Variants in DNAH8 observed in about 807,000 individuals in gnomAD.
The protein encoded by DNAH8 is dynein axonemal heavy chain 8.
A neutral mutation model predicts 562.1 loss-of-function variants in DNAH8; 382 were observed. The observed-to-expected ratio is 0.68, with a 90% CI of 0.63 to 0.74. The LOEUF is 0.74. DNAH8 is among the 30% of genes least tolerant of loss of function. The pLI is 0.00. For synonymous variants in DNAH8, 1,881 were observed against 1,919.4 expected (o/e 0.98, Z 0.52); for missense variants, 5,203 against 5,620.4 (o/e 0.93, Z 2.37).
At chr6:38,992,373 C>G (rs1036831083) in intron 88 of DNAH8, among the ~76,000 whole-genome samples, 1 of 152,200 alleles carries the variant, frequency 6.6e-6, no homozygotes, top group Non-Finnish European at 1.5e-5. Flanking sequence ...ACTGCTGCAT[C>G]CCTTGTGCTA....
intron 62 of DNAH8, among the ~76,000 whole-genome samples, chr6:38,904,595 G>A (rs994940727): frequency 3.8e-4 from 58 of 151,952 alleles, no homozygotes; most frequent in African/African-American, 1.4e-3. Context: ...GTTCGAGACT[G>A]GCTGGCCAAC....
intron 28 of DNAH8, among the ~76,000 whole-genome samples, chr6:38,824,367 G>A (rs76360403): frequency 1.0e-3 from 155 of 152,224 alleles, no homozygotes; most frequent in African/African-American, 3.1e-3. Flanking sequence ...ACTCAGAGGC[G>A]GGTTTATTGG....
intron 28 of DNAH8, among the ~76,000 whole-genome samples, chr6:38,825,108 G>A (rs566674922): frequency 6.6e-6 from 1 of 152,148 alleles, no homozygotes; most frequent in Non-Finnish European, 1.5e-5. Context: ...AAGAGGTGAT[G>A]GTAGTTATAA....
intron 91 of DNAH8, among the ~76,000 whole-genome samples, chr6:39,018,560 C>T (rs1465482658): frequency 2.0e-5 from 3 of 152,214 alleles, no homozygotes; most frequent in African/African-American, 7.2e-5. Context: ...CATGCTCATT[C>T]CTCACTTCCA....
Position 38,908,069 on chromosome 6 carries a change from C to A in DNAH8, c.9462C>A (p.Tyr3154Ter). The A allele has an allele frequency of 1.2e-6, 2 of 1,607,260 alleles. No homozygotes were observed. The highest frequency in any genetic ancestry group is 1.7e-6 in the Non-Finnish European group (2 of 1,177,114). The change falls in exon 64 of 93, where the codon TAC becomes TAA. Residue 3154 changes from tyrosine to a stop codon, truncating the protein, a stop_gained. Transcript: ENST00000327475. LOFTEE classifies it high-confidence loss of function. Reference protein sequence around the residue: ...HPPTFDNLYEYFISRSRKNLH... With the variant: ...HPPTFDNLYE ...CTACCTTTGATAATTTGTATGAATACTTCATTTCAAGATCAAGGAAGAACT... is the reference window on the plus strand; with the variant it reads ...CTACCTTTGATAATTTGTATGAATAATTCATTTCAAGATCAAGGAAGAACT...
At chr6:38,762,897 G>C in intron 11 of DNAH8, 1 of 271,952 alleles carries the variant, frequency 3.7e-6, no homozygotes, top group Non-Finnish European at 7.0e-6. Flanking sequence ...CTCTGAACTG[G>C]AGGATAAGAA....
chr6:38,901,177 T>C (rs1390146919), intron 62 of DNAH8, among the ~76,000 whole-genome samples: 1 of 152,210 alleles, frequency 6.6e-6, no homozygotes, highest in Non-Finnish European at 1.5e-5. Context: ...TTTCATTCTC[T>C]TAGCGGATCT....
At chr6:38,932,217 C>CACACACACACACACA (rs1554138852) in intron 76 of DNAH8, among the ~76,000 whole-genome samples, 5 of 122,658 alleles carry the variant, frequency 4.1e-5, no homozygotes, top group East Asian at 2.0e-4. Flanking sequence ...CACACACACA[C>CACACACACACACACA]CCGTCTCTTT....
chr6:38,951,482 C>T lies in DNAH8; in HGVS notation c.12413C>T (p.Thr4138Ile). The change falls in exon 82 of 93, where the codon ACC becomes ATC. Residue 4138 changes from threonine (T) to isoleucine (I), a missense_variant. Thr to Ile is a moderately conservative substitution (Grantham distance 89). Transcript: ENST00000327475. ...ICFLSMGSDP[T>I]NQIDALAKKL... ...TTCCTGTCCATGGGATCTGACCCCA[C>T]CAATCAAATTGATGCATTGGCCAAG... 2 of 1,614,060 alleles carry T rather than the reference C, an allele frequency of 1.2e-6. No homozygotes were observed. The highest frequency in any genetic ancestry group is 2.2e-5 in the East Asian group (1 of 44,874).
chr6:39,000,532 C>T (rs185727448), intron 88 of DNAH8, among the ~76,000 whole-genome samples: 67 of 152,234 alleles, frequency 4.4e-4, no homozygotes, highest in Non-Finnish European at 6.6e-4. Context: ...GGAGCGAGAA[C>T]CCTACCGTGA....
Position 38,842,395 on chromosome 6 carries a change from G to C in DNAH8, c.4494G>C (p.Leu1498=). The change falls in exon 34 of 93, where the codon CTG becomes CTC. Residue 1498 remains leucine, a synonymous_variant. Coordinates refer to ENST00000327475, the MANE Select transcript of DNAH8 (RefSeq NM_001206927.2). ...TRKELNLLQK[L]YGLYDTVMSS... ...AAGAACTCAACTTGCTGCAGAAGCTGTATGGATTGTATGACACCGTAATGA... is the reference window on the plus strand; with the variant it reads ...AAGAACTCAACTTGCTGCAGAAGCTCTATGGATTGTATGACACCGTAATGA... 6.2e-7 allele frequency: 1 copy of C among 1,609,876 alleles called. No individual in the cohort carries two copies. The highest frequency in any genetic ancestry group is 8.5e-7 in the Non-Finnish European group (1 of 1,178,460).
At position 38,923,124 on chromosome 6, in the gene DNAH8, C is replaced by T; in HGVS notation, c.10729C>T (p.Leu3577=). ...MQAASTLIDG[L]SGEKIRWTQQ... is the part of the protein sequence containing the mutation. Reference sequence around the variant, plus strand: ...GGCCGCCTCCACTCTCATCGATGGGCTGAGTGGAGAAAAAATCCGGTGGAC... The same window carrying T: ...GGCCGCCTCCACTCTCATCGATGGGTTGAGTGGAGAAAAAATCCGGTGGAC... Residue 3577 remains leucine (L), a synonymous_variant, in exon 72 of 93, where the codon CTG becomes TTG. Transcript: ENST00000327475. 2 of 1,613,694 alleles carry T rather than the reference C, an allele frequency of 1.2e-6. No individual in the cohort carries two copies. Among genetic ancestry groups the T allele is most frequent in the Non-Finnish European group, 1.7e-6 (2 of 1,179,790 alleles).
chr6:38,982,814 G>A (rs778584400), intron 86 of DNAH8, among the ~76,000 whole-genome samples: 1 of 152,200 alleles, frequency 6.6e-6, no homozygotes, highest in Non-Finnish European at 1.5e-5. Context: ...CTGCCCATGC[G>A]AAAGTTCTTT....
At chr6:38,750,074 C>T (rs934437689) in intron 8 of DNAH8, among the ~76,000 whole-genome samples, 2 of 152,180 alleles carry the variant, frequency 1.3e-5, no homozygotes, top group Non-Finnish European at 2.9e-5. Context: ...CCTTGTGATC[C>T]GCCCACCTTG....
chr6:38,782,861 C>A, intron 16 of DNAH8, 143 bp from the exon 17 acceptor site: 1 of 691,400 alleles, frequency 1.4e-6, no homozygotes, highest in Non-Finnish European at 2.4e-6. Context: ...ATATGGCCTT[C>A]CCCATCTCTG....
chr6:38,736,182 C>T (rs753752653), intron 5 of DNAH8, among the ~76,000 whole-genome samples: 1 of 151,894 alleles, frequency 6.6e-6, no homozygotes, highest in African/African-American at 2.4e-5. Context: ...GTGATAATTT[C>T]GCTCTTTTTC....
intron 8 of DNAH8, among the ~76,000 whole-genome samples, chr6:38,749,911 C>A (rs1765284262): frequency 6.6e-6 from 1 of 152,218 alleles, no homozygotes; most frequent in Non-Finnish European, 1.5e-5. Flanking sequence ...TGGCTCACTG[C>A]AAGCTCCGCC....
In DNAH8 at chr6:38,896,072, T is replaced by A; in HGVS notation, c.8787T>A (p.His2929Gln). The A allele has an allele frequency of 1.9e-6, 3 of 1,614,046 alleles. No individual in the cohort carries two copies. The highest frequency in any genetic ancestry group is 2.5e-6 in the Non-Finnish European group (3 of 1,179,912). The change falls in exon 60 of 93, where the codon CAT becomes CAA. Residue 2929 changes from histidine (H) to glutamine (Q), a missense_variant. His to Gln is a conservative substitution (Grantham distance 24). Transcript: ENST00000327475. ...TPEDEQWFNA[H>Q]LTRAVEENIG... ...AAGATGAGCAGTGGTTTAATGCACA[T>A]CTTACTCGTGCAGTTGAAGAAAATA...
intron 79 of DNAH8, among the ~76,000 whole-genome samples, chr6:38,940,237 A>G (rs906068607): frequency 3.3e-5 from 5 of 152,200 alleles, no homozygotes; most frequent in Non-Finnish European, 1.5e-5. Flanking sequence ...AGGCAATGGG[A>G]ATATACAGGG....
Sources: allele counts gnomAD v4.1 joint callset (sites outside exome capture counted in the v4.1 genomes callset), GRCh38; gene constraint gnomAD v4.1.1; transcripts MANE v1.5; gene names NCBI Gene and HGNC (gene_info 2026-07-23, HGNC 2026-07-21).